ZNF618: variants seen among roughly 807,000 people sequenced by gnomAD.
ZNF618 encodes the protein zinc finger protein 618.
ZNF618 carries 34 observed loss-of-function variants against 103.0 expected under a neutral mutation model. That is an observed-to-expected ratio of 0.33 (90% confidence interval 0.25 to 0.44). ZNF618 has a LOEUF of 0.44. Among genes scored for constraint, ZNF618 ranks in the 20% least tolerant of loss-of-function variants. The pLI is 1.00. For synonymous variants in ZNF618, 551 were observed against 542.2 expected (o/e 1.02, Z -0.23); for missense variants, 1,059 against 1,295.4 (o/e 0.82, Z 2.80).
At chr9:113,959,287 C>G in intron 1 of ZNF618, among the ~76,000 whole-genome samples, 1 of 142,534 alleles carries the variant, frequency 7.0e-6, no homozygotes, top group East Asian at 2.0e-4. Context: ...AACTCTGTCT[C>G]AAAAAAAAAA....
intron 6 of ZNF618, among the ~76,000 whole-genome samples, chr9:114,005,261 C>T (rs7869127): frequency 1.3e-5 from 2 of 152,156 alleles, no homozygotes; most frequent in African/African-American, 2.4e-5. Flanking sequence ...TAAGAGACAC[C>T]GAGCTCTCGT....
At chr9:113,990,443 G>C (rs535122326) in intron 3 of ZNF618, among the ~76,000 whole-genome samples, 26 of 152,328 alleles carry the variant, frequency 1.7e-4, no homozygotes, top group African/African-American at 6.3e-4. Context: ...CAGCTGTCAA[G>C]GTGGGGCCAG....
At chr9:114,033,411 G>C (rs1844280756) in intron 12 of ZNF618, among the ~76,000 whole-genome samples, 1 of 151,798 alleles carries the variant, frequency 6.6e-6, no homozygotes, top group Non-Finnish European at 1.5e-5. Flanking sequence ...GAGAGAGAGA[G>C]AGAGAGAGAG....
At chr9:113,919,549 G>A (rs1242688056) in intron 1 of ZNF618, among the ~76,000 whole-genome samples, 2 of 152,190 alleles carry the variant, frequency 1.3e-5, no homozygotes, top group South Asian at 2.1e-4. Flanking sequence ...TGCCAGGAGC[G>A]AACTTGGCGA....
chr9:113,997,040 A>C (rs1840675871), intron 3 of ZNF618, among the ~76,000 whole-genome samples: 1 of 146,464 alleles, frequency 6.8e-6, no homozygotes, highest in Non-Finnish European at 1.5e-5. Context: ...AGACCTGGTA[A>C]AGGTTCTCTC....
In ZNF618 at chr9:114,036,238, C is replaced by G. The variant is rs183596010; in HGVS notation, c.1169-62C>G. The G allele has an allele frequency of 2.0e-6, 3 of 1,500,444 alleles. No homozygotes were observed. In the African/African-American group the frequency reaches 4.2e-5, roughly 21 times the overall value. The allele number at this position is 1,500,444 out of a possible 1,614,324, so 92.9% of individuals were successfully genotyped here. The stretch of plus-strand genomic sequence containing the variant: ...TTCCCACTTGCAAAGCTGCCTGCAG[C>G]CCAGCAGAAGGTGTCTGCGTCGGTT... On this transcript the variant is annotated intron_variant, in intron 12 of 14. Coordinates refer to ENST00000374126, the MANE Select transcript of ZNF618 (RefSeq NM_001318042.2).
chr9:114,048,043 G>T (rs769430995), intron 14 of ZNF618, 49 bp downstream of exon 14: 1 of 1,470,270 alleles, frequency 6.8e-7, no homozygotes, highest in Non-Finnish European at 9.3e-7. Context: ...TTATGCTCCA[G>T]TTGTTCCTCT....
intron 6 of ZNF618, among the ~76,000 whole-genome samples, chr9:114,004,721 C>G (rs1321733113): frequency 1.3e-5 from 2 of 152,200 alleles, no homozygotes; most frequent in Admixed American, 6.5e-5. Context: ...CCTCCACTTA[C>G]AGAAGCCTGG....
intron 1 of ZNF618, among the ~76,000 whole-genome samples, chr9:113,936,168 G>A (rs1834015009): frequency 6.6e-6 from 1 of 152,174 alleles, no homozygotes; most frequent in Non-Finnish European, 1.5e-5. Context: ...CAAAGGCAGT[G>A]CAGCTTGGTG....
chr9:113,999,344 G>A (rs1840953207), intron 4 of ZNF618, among the ~76,000 whole-genome samples: 1 of 150,828 alleles, frequency 6.6e-6, no homozygotes, highest in Middle Eastern at 3.4e-3. Context: ...GGGGCAGGTG[G>A]GGCCCTGGGC....
intron 6 of ZNF618, 54 bp from the exon 7 acceptor site, chr9:114,007,296 C>T: frequency 1.3e-6 from 2 of 1,538,604 alleles, no homozygotes; most frequent in Non-Finnish European, 1.8e-6. Flanking sequence ...AGAAAAACCC[C>T]ACCCCACAAG....
At chr9:114,016,655 C>T (rs1310041236) in intron 9 of ZNF618, 40 bp from the exon 10 acceptor site, 7 of 1,539,244 alleles carry the variant, frequency 4.5e-6, no homozygotes, top group Non-Finnish European at 6.3e-6. Context: ...TGGTGGAGGC[C>T]AGTTGCACAT....
At chr9:113,967,284 G>GAGGAATGCA (rs879550589) in intron 1 of ZNF618, among the ~76,000 whole-genome samples, 3 of 152,204 alleles carry the variant, frequency 2.0e-5, no homozygotes, top group Non-Finnish European at 4.4e-5. Flanking sequence ...TACAAGTTTT[G>GAGGAATGCA]AGGAATGCAA....
At chr9:114,030,225 T>G (rs1260539077) in intron 11 of ZNF618, among the ~76,000 whole-genome samples, 1 of 152,186 alleles carries the variant, frequency 6.6e-6, no homozygotes, top group Non-Finnish European at 1.5e-5. Context: ...TTATTGTGCT[T>G]AGATCTCCCA....
At chr9:113,978,020 A>G (rs1375473886) in intron 2 of ZNF618, among the ~76,000 whole-genome samples, 1 of 152,242 alleles carries the variant, frequency 6.6e-6, no homozygotes, top group Non-Finnish European at 1.5e-5. Flanking sequence ...ATATTTATGC[A>G]TTGTAGGTTA....
At chr9:113,929,762 C>G (rs1385441810) in intron 1 of ZNF618, among the ~76,000 whole-genome samples, 1 of 152,190 alleles carries the variant, frequency 6.6e-6, no homozygotes, top group Non-Finnish European at 1.5e-5. Flanking sequence ...GTGACAATAA[C>G]ATAACCTTTA....
intron 1 of ZNF618, among the ~76,000 whole-genome samples, chr9:113,963,328 T>C (rs1837042908): frequency 6.6e-6 from 1 of 152,174 alleles, no homozygotes. Context: ...TGTACTAACA[T>C]ATAAAAATAT....
intron 12 of ZNF618, among the ~76,000 whole-genome samples, chr9:114,035,599 TCTTCCTTCTGTCCTTCTC>T (rs1376206250): frequency 4.8e-5 from 4 of 83,422 alleles, no homozygotes; most frequent in East Asian, 2.1e-4. Context: ...TTCTTTTTCC[TCTTCCTTCTGTCCTTCTC>T]CCTCTTCCTT....
At chr9:114,035,033 C>T (rs1265630165) in intron 12 of ZNF618, among the ~76,000 whole-genome samples, 1 of 152,200 alleles carries the variant, frequency 6.6e-6, no homozygotes, top group African/African-American at 2.4e-5. Flanking sequence ...TGTCAAGCCT[C>T]CCTGCAACCC....
Sources: gnomAD v4.1 joint callset for allele counts (sites outside exome capture counted in the v4.1 genomes callset) on GRCh38, gnomAD v4.1.1 for gene constraint, MANE v1.5 for transcripts, NCBI Gene and HGNC (gene_info 2026-07-23, HGNC 2026-07-21) for gene names.